The following PDE11A variants were observed in gnomAD, a reference collection of about 807,000 sequenced individuals.
PDE11A encodes the protein dual 3',5'-cyclic-AMP and -GMP phosphodiesterase 11A.
PDE11A carries 100 observed loss-of-function variants against 100.5 expected under a neutral mutation model. The observed-to-expected ratio is 1.00, with a 90% confidence interval of 0.85 to 1.18. The LOEUF (loss-of-function observed/expected upper bound fraction) is 1.18. Ranked by LOEUF, PDE11A falls within the 50% of genes most tolerant of loss-of-function variation. The pLI is 0.00. For missense variants in PDE11A, 1,141 were observed against 1,152.6 expected (o/e 0.99, Z 0.15); for synonymous variants, 381 against 420.8 (o/e 0.91, Z 1.16).
At chr2:178,075,138 C>T (rs1006459433), upstream of PDE11A, among the ~76,000 whole-genome samples, 2 of 151,994 alleles carry the variant, frequency 1.3e-5, no homozygotes, top group African/African-American at 2.4e-5. Flanking sequence ...GGACTCATAG[C>T]GGTAGAGAAG....
chr2:178,016,967 C>G (rs1006343031), intron 1 of PDE11A, among the ~76,000 whole-genome samples: 1 of 152,220 alleles, frequency 6.6e-6, no homozygotes, highest in Non-Finnish European at 1.5e-5. Context: ...GCATTGGCCA[C>G]TATTTAGCAC....
chr2:177,704,340 T>C (rs1288445744), intron 13 of PDE11A, among the ~76,000 whole-genome samples: 1 of 152,120 alleles, frequency 6.6e-6, no homozygotes, highest in Non-Finnish European at 1.5e-5. Context: ...AACTCAACTT[T>C]GAGGGGTTTT....
At chr2:177,709,372 A>C (rs757798586) in intron 13 of PDE11A, among the ~76,000 whole-genome samples, 8 of 152,156 alleles carry the variant, frequency 5.3e-5, no homozygotes, top group Non-Finnish European at 1.2e-4. Flanking sequence ...GTAAGCATGC[A>C]GAGGAGGCAC....
At chr2:177,782,007 A>G (rs1343031722) in intron 9 of PDE11A, among the ~76,000 whole-genome samples, 1 of 152,234 alleles carries the variant, frequency 6.6e-6, no homozygotes. Context: ...AATTTTAGTA[A>G]CCACACTTTA....
chr2:177,679,847 G>A (rs1438752111), intron 16 of PDE11A, among the ~76,000 whole-genome samples: 1 of 151,966 alleles, frequency 6.6e-6, no homozygotes, highest in Non-Finnish European at 1.5e-5. Context: ...GCGAGGAGGT[G>A]GAAGGAATGG....
intron 2 of PDE11A, among the ~76,000 whole-genome samples, chr2:178,001,306 GTGTGT>G: frequency 6.6e-6 from 1 of 151,586 alleles, no homozygotes; most frequent in Non-Finnish European, 1.5e-5. Flanking sequence ...GTGTGTGTGT[GTGTGT>G]AGTAGGTTTA....
intron 1 of PDE11A, among the ~76,000 whole-genome samples, chr2:178,024,083 G>C (rs893158158): frequency 7.2e-5 from 11 of 152,126 alleles, no homozygotes; most frequent in Non-Finnish European, 1.5e-4. Context: ...CTGTTTGTCA[G>C]GGTAGGGTTA....
intron 2 of PDE11A, among the ~76,000 whole-genome samples, chr2:177,979,417 G>C (rs1254080826): frequency 6.6e-6 from 1 of 150,376 alleles, no homozygotes; most frequent in East Asian, 1.9e-4. Context: ...CAAGGTTCAG[G>C]ATGCATAAAT....
chr2:177,909,493 G>C (rs1315792253), intron 2 of PDE11A, among the ~76,000 whole-genome samples: 6 of 152,154 alleles, frequency 3.9e-5, no homozygotes, highest in Admixed American at 6.5e-5. Context: ...TTTACCACTA[G>C]TTTCAGCTAC....
intron 10 of PDE11A, among the ~76,000 whole-genome samples, chr2:177,757,834 T>C (rs1395264623): frequency 1.3e-5 from 2 of 152,178 alleles, no homozygotes; most frequent in Admixed American, 6.5e-5. Flanking sequence ...TGTGGTCTTA[T>C]AGAAACGATT....
chr2:177,851,991 G>A (rs772153429), intron 5 of PDE11A, among the ~76,000 whole-genome samples: 4 of 152,068 alleles, frequency 2.6e-5, no homozygotes, highest in African/African-American at 7.2e-5. Flanking sequence ...ATAAGGGAGA[G>A]CATGCCATAT....
chr2:178,085,627 C>T (rs188179090), intron 2 of PDE11A, among the ~76,000 whole-genome samples: 87 of 152,106 alleles, frequency 5.7e-4, no homozygotes, highest in Non-Finnish European at 9.9e-4. Flanking sequence ...TCATTACTAG[C>T]TGTGTTTAAC....
At chr2:178,042,258 T>G (rs1395438720) in intron 1 of PDE11A, among the ~76,000 whole-genome samples, 1 of 152,058 alleles carries the variant, frequency 6.6e-6, no homozygotes, top group Non-Finnish European at 1.5e-5. Flanking sequence ...AGTGGGAAGA[T>G]CACTTGAGGC....
At chr2:177,989,542 C>A (rs576915169) in intron 2 of PDE11A, among the ~76,000 whole-genome samples, 2 of 152,270 alleles carry the variant, frequency 1.3e-5, no homozygotes, top group South Asian at 4.1e-4. Context: ...ACTGGGGATG[C>A]AATCCTAACA....
chr2:178,029,324 C>G (rs933895157), intron 1 of PDE11A, among the ~76,000 whole-genome samples: 4 of 151,918 alleles, frequency 2.6e-5, no homozygotes, highest in African/African-American at 4.8e-5. Flanking sequence ...TAGTTAGGAA[C>G]AATAATAAAA....
chr2:178,050,725 G>C (rs1251280101), intron 1 of PDE11A, among the ~76,000 whole-genome samples: 1 of 152,206 alleles, frequency 6.6e-6, no homozygotes, highest in Non-Finnish European at 1.5e-5. Flanking sequence ...AGATTCAGTA[G>C]CCGATTCGAT....
chr2:177,954,743 C>A (rs976679266), intron 2 of PDE11A, among the ~76,000 whole-genome samples: 1 of 152,094 alleles, frequency 6.6e-6, no homozygotes, highest in Admixed American at 6.6e-5. Flanking sequence ...TAAAATTACC[C>A]AGGGAGAGTT....
At chr2:178,047,730 A>T (rs1228253716) in intron 1 of PDE11A, among the ~76,000 whole-genome samples, 1 of 152,154 alleles carries the variant, frequency 6.6e-6, no homozygotes, top group Non-Finnish European at 1.5e-5. Context: ...ATTTTGGGGA[A>T]GGATTATTTT....
At chr2:178,066,673 G>A (rs961255082) in intron 1 of PDE11A, among the ~76,000 whole-genome samples, 3 of 152,170 alleles carry the variant, frequency 2.0e-5, no homozygotes, top group South Asian at 2.1e-4. Context: ...GGGAGGGTAC[G>A]GAGAAGGGCA....
Sources: gnomAD v4.1 joint callset for allele counts (sites outside exome capture counted in the v4.1 genomes callset) on GRCh38, gnomAD v4.1.1 for gene constraint, MANE v1.5 for transcripts, NCBI Gene and HGNC (gene_info 2026-07-23, HGNC 2026-07-21) for gene names.